CEP63: variants seen among roughly 807,000 people sequenced by gnomAD.
CEP63 encodes centrosomal protein of 63 kDa.
In CEP63, 84 loss-of-function variants were observed where a neutral mutation model predicts 89.1. The observed-to-expected ratio is 0.94, with a 90% confidence interval of 0.79 to 1.13. The LOEUF is 1.13. Ranked by LOEUF, CEP63 falls within the 50% of genes most tolerant of loss-of-function variation. The probability of loss-of-function intolerance (pLI) is 0.00; values close to 1 mark genes in which losing one functional copy is unlikely to be tolerated. For synonymous variants in CEP63, 267 were observed against 272.5 expected (o/e 0.98, Z 0.20); for missense variants, 838 against 813.3 (o/e 1.03, Z -0.37).
intron 6 of CEP63, among the ~76,000 whole-genome samples, chr3:134,538,054 A>T (rs1183041776): frequency 2.0e-5 from 3 of 152,154 alleles, no homozygotes; most frequent in Non-Finnish European, 4.4e-5. Flanking sequence ...ATTTGTGATC[A>T]TCTGTTATGT....
At chr3:134,662,944 G>A in the CEP63 span, among the ~76,000 whole-genome samples, 10 of 152,150 alleles carry the variant, frequency 6.6e-5, no homozygotes, top group Admixed American at 2.0e-4. Context: ...GGGCTCTCTG[G>A]CCAGAATTTG....
chr3:134,676,797 G>A, the CEP63 span, among the ~76,000 whole-genome samples: 8 of 152,250 alleles, frequency 5.3e-5, no homozygotes, highest in Admixed American at 3.9e-4. Context: ...TTCCTAGGTT[G>A]GGGTGGGTCG....
chr3:134,692,363 G>GTT, the CEP63 span, among the ~76,000 whole-genome samples: 87 of 145,306 alleles, frequency 6.0e-4, 1 homozygote, highest in African/African-American at 1.9e-3. Context: ...TGCGGTGTTT[G>GTT]TTTTTTTTTT....
intron 1 of CEP63, among the ~76,000 whole-genome samples, chr3:134,489,436 A>G (rs751523028): frequency 2.6e-5 from 4 of 152,160 alleles, no homozygotes; most frequent in Non-Finnish European, 4.4e-5. Flanking sequence ...ATTAATTATC[A>G]GGGAAGCAGT....
Position 134,550,153 on chromosome 3 carries a change from C to T in CEP63, c.1273C>T (p.His425Tyr), listed in dbSNP as rs769974789. The change falls in exon 11 of 15, where the codon CAT (histidine) becomes TAT (tyrosine). Residue 425 changes from histidine (H) to tyrosine (Y), a missense_variant. His to Tyr is a moderately conservative substitution (Grantham distance 83). Coordinates refer to ENST00000675561, the MANE Select transcript of CEP63 (RefSeq NM_001353108.3). ...AATCTCCCATCTAACTCAGGAGTTA[C>T]ATCAGCGAGATATCACTATTGCTTC... ...MEISHLTQELHQRDITIASTK... is the reference protein window; with the variant it reads ...MEISHLTQELYQRDITIASTK... The T allele has an allele frequency of 4.3e-6, 7 of 1,613,290 alleles. No individual in the cohort carries two copies. In the Admixed American group the frequency reaches 8.3e-5, roughly 19 times the overall value.
the CEP63 span, among the ~76,000 whole-genome samples, chr3:134,777,529 A>G: frequency 6.6e-6 from 1 of 151,914 alleles, no homozygotes; most frequent in South Asian, 2.1e-4. Context: ...GAATTTGCTC[A>G]ATAACAATAC....
At chr3:134,642,211 A>G in the CEP63 span, among the ~76,000 whole-genome samples, 1 of 152,160 alleles carries the variant, frequency 6.6e-6, no homozygotes, top group Non-Finnish European at 1.5e-5. Flanking sequence ...AAGCTTGTCC[A>G]CCTGTATTTC....
chr3:134,580,590 A>G (rs1257408969), intron 10 of CEP63, among the ~76,000 whole-genome samples: 4 of 152,236 alleles, frequency 2.6e-5, no homozygotes, highest in African/African-American at 9.6e-5. Flanking sequence ...AAAGCTGACA[A>G]AGACATTATT....
chr3:134,667,946 A>T, the CEP63 span, among the ~76,000 whole-genome samples: 2 of 152,226 alleles, frequency 1.3e-5, no homozygotes, highest in African/African-American at 2.4e-5. Flanking sequence ...GTATTAAAAG[A>T]TATATAGACT....
At chr3:134,663,850 T>C in the CEP63 span, among the ~76,000 whole-genome samples, 2 of 152,208 alleles carry the variant, frequency 1.3e-5, no homozygotes, top group Non-Finnish European at 1.5e-5. Context: ...TTGCTCACCA[T>C]GTAATCCCTG....
intron 2 of CEP63, 49 bp downstream of exon 2, chr3:134,495,413 C>T (rs1939470922): frequency 8.5e-7 from 1 of 1,183,410 alleles, no homozygotes; most frequent in African/African-American, 1.5e-5. Context: ...TACATGATTA[C>T]ATATTTATAG....
the CEP63 span, among the ~76,000 whole-genome samples, chr3:134,636,127 C>G: frequency 6.6e-6 from 1 of 152,138 alleles, no homozygotes; most frequent in East Asian, 1.9e-4. Context: ...GATTTGCACA[C>G]TTTGCAAATC....
chr3:134,561,949 G>T lies in CEP63; in HGVS notation c.*414G>T. 2.0e-6 allele frequency: 2 copies of T among 1,025,014 alleles called. No individual in the cohort carries two copies. Among genetic ancestry groups the T allele is most frequent in the Non-Finnish European group, 2.3e-6 (2 of 853,958 alleles). 63.5% of individuals were successfully genotyped at this position (1,025,014 alleles called of 1,614,324 possible). On this transcript the variant is annotated 3_prime_UTR_variant, in exon 15 of 15. Transcript: ENST00000675561. ...TGGATTTAGGGGTCAAACATACCTG[G>T]ATCGATAGACTGGTTTTGCCACTTA...
chr3:134,575,076 A>G (rs1958166170), downstream of CEP63: 2 of 386,996 alleles, frequency 5.2e-6, no homozygotes, highest in Non-Finnish European at 9.1e-6. Flanking sequence ...TGTCACTAAA[A>G]ACATCAGGAA....
chr3:134,517,194 G>A (rs1946441358), intron 3 of CEP63, among the ~76,000 whole-genome samples: 1 of 151,996 alleles, frequency 6.6e-6, no homozygotes, highest in Non-Finnish European at 1.5e-5. Flanking sequence ...TGCTTTCTGG[G>A]GTCACCTCCA....
chr3:134,527,579 C>T (rs890142158), intron 3 of CEP63, among the ~76,000 whole-genome samples: 7 of 152,118 alleles, frequency 4.6e-5, no homozygotes, highest in Non-Finnish European at 7.4e-5. Flanking sequence ...CAAAACCTGC[C>T]GGCATAGGCA....
chr3:134,603,547 C>A, the CEP63 span: 14 of 1,539,850 alleles, frequency 9.1e-6, no homozygotes, highest in East Asian at 3.2e-4. Flanking sequence ...CTGGCCTTGG[C>A]CCTTTGGGAG....
chr3:134,754,619 G>A, the CEP63 span, among the ~76,000 whole-genome samples: 1 of 152,104 alleles, frequency 6.6e-6, no homozygotes, highest in East Asian at 1.9e-4. Context: ...GGGTCAGGAG[G>A]GTGGGTGTCC....
intron 10 of CEP63, among the ~76,000 whole-genome samples, chr3:134,583,254 C>A (rs1294709126): frequency 7.9e-5 from 12 of 152,160 alleles, no homozygotes; most frequent in Admixed American, 1.3e-4. Flanking sequence ...GGCCTTTGCC[C>A]ATGCCTATGT....
Sources: allele counts gnomAD v4.1 joint callset (sites outside exome capture counted in the v4.1 genomes callset), GRCh38; gene constraint gnomAD v4.1.1; transcripts MANE v1.5; gene names NCBI Gene and HGNC (gene_info 2026-07-23, HGNC 2026-07-21).